The following ZNF148 variants were observed in gnomAD, a reference collection of about 807,000 sequenced individuals.
ZNF148 encodes the protein Beta-Enolase Repressor Factor-1.
In ZNF148, 7 loss-of-function variants were observed where a neutral mutation model predicts 67.7. The ratio of observed to expected loss-of-function variants is 0.10; its 90% CI spans 0.06 to 0.19. The LOEUF is 0.19. Ranked by LOEUF, ZNF148 falls within the 10% of genes least tolerant of loss-of-function variation. The pLI, the probability that ZNF148 is intolerant of heterozygous loss-of-function variation, is 1.00. For synonymous variants in ZNF148, 333 were observed against 330.7 expected (o/e 1.01, Z -0.08); for missense variants, 583 against 947.1 (o/e 0.62, Z 5.05).
chr3:125,257,703 T>C (rs181578520), intron 7 of ZNF148, among the ~76,000 whole-genome samples: 29 of 152,174 alleles, frequency 1.9e-4, no homozygotes, highest in Non-Finnish European at 1.5e-4. Flanking sequence ...TTCCTTCCCA[T>C]TTCTCTCTAC....
rs1258740190 is a variant in ZNF148, at chr3:125,233,287, G to A, written c.1439C>T (p.Ala480Val). 1.9e-6 allele frequency: 3 copies of A among 1,613,738 alleles called. No individual in the cohort carries two copies. The highest frequency in any genetic ancestry group is 2.5e-6 in the Non-Finnish European group (3 of 1,179,904). Residue 480 changes from alanine (A) to valine (V), a missense_variant, in exon 9 of 9, where the codon GCA becomes GTA. This residue lies in a region of ZNF148 where 172 missense variants were observed against 307.7 expected (regional missense o/e 0.56). Coordinates refer to ENST00000360647, the MANE Select transcript of ZNF148 (RefSeq NM_021964.3). The surrounding 1 kb of genome is among the most constrained non-coding windows in gnomAD (Gnocchi z 5.1). ...FLKKKRYLQA[A>V]SNNSREYALN... is the part of the protein sequence containing the mutation. ...CGCATATTCCCTGCTGTTGTTACTT[G>A]CTGCTTGAAGATACCGCTTCTTCTT...
At chr3:125,338,604 G>A (rs1005609141) in intron 1 of ZNF148, among the ~76,000 whole-genome samples, 2 of 130,772 alleles carry the variant, frequency 1.5e-5, no homozygotes, top group Non-Finnish European at 3.1e-5. Flanking sequence ...AGGTCGCAGT[G>A]AGCCGACATT....
At chr3:125,370,766 GT>G (rs1942854280) in intron 1 of ZNF148, among the ~76,000 whole-genome samples, 2 of 152,260 alleles carry the variant, frequency 1.3e-5, no homozygotes, top group South Asian at 2.1e-4. Flanking sequence ...GCCCAGTATA[GT>G]TTTTTCCTAC....
In ZNF148 at chr3:125,233,123, C is replaced by T. The variant is rs1233639597; in HGVS notation, c.1603G>A (p.Val535Ile). 3 of 1,613,824 alleles carry T rather than the reference C, an allele frequency of 1.9e-6. No individual in the cohort carries two copies. Among genetic ancestry groups the T allele is most frequent in the Non-Finnish European group, 2.5e-6 (3 of 1,179,884 alleles). ...VEIKSNHDKN[V>I]IPDEVLQTLL... Reference sequence around the variant, plus strand: ...GTCTGCAGTACCTCATCTGGAATAACATTTTTGTCATGATTACTCTTAATC... The same window carrying T: ...GTCTGCAGTACCTCATCTGGAATAATATTTTTGTCATGATTACTCTTAATC... Residue 535 changes from valine (V) to isoleucine (I), a missense_variant, in exon 9 of 9, where the codon GTT becomes ATT. Val to Ile is a conservative substitution (Grantham distance 29, BLOSUM62 3). Coordinates refer to ENST00000360647, the MANE Select transcript of ZNF148 (RefSeq NM_021964.3). The surrounding 1 kb of genome is among the most constrained non-coding windows in gnomAD (Gnocchi z 5.1).
intron 1 of ZNF148, among the ~76,000 whole-genome samples, chr3:125,364,234 A>C (rs572191583): frequency 1.3e-5 from 2 of 152,178 alleles, no homozygotes. Context: ...CCCTGTCTCT[A>C]CTAAAAATGC....
chr3:125,249,304 C>T (rs1238218054), intron 7 of ZNF148, among the ~76,000 whole-genome samples: 1 of 152,090 alleles, frequency 6.6e-6, no homozygotes, highest in East Asian at 1.9e-4. Flanking sequence ...GCAAAAGGAA[C>T]TCATACAACT....
At chr3:125,337,016 C>CAAAAA in intron 1 of ZNF148, among the ~76,000 whole-genome samples, 1 of 115,348 alleles carries the variant, frequency 8.7e-6, no homozygotes, top group Non-Finnish European at 1.8e-5. Context: ...TCTACTCTCA[C>CAAAAA]AAAAAAAAAA....
At chr3:125,337,591 T>C (rs999701619) in intron 1 of ZNF148, among the ~76,000 whole-genome samples, 3 of 152,208 alleles carry the variant, frequency 2.0e-5, no homozygotes, top group African/African-American at 7.2e-5. Context: ...AGGCAAACTT[T>C]GAAACAATCT....
intron 1 of ZNF148, among the ~76,000 whole-genome samples, chr3:125,353,223 T>A (rs757502700): frequency 6.6e-6 from 1 of 152,136 alleles, no homozygotes; most frequent in African/African-American, 2.4e-5. Context: ...AAACAAACTA[T>A]GTCATTCTGG....
chr3:125,323,375 G>T lies in ZNF148; in HGVS notation c.-83C>A. Reference sequence around the variant, plus strand: ...CTGTAGAGTTGAAAAAGAAATCATGGTTGAGTTTCTACCTTTCATAGGCTT... The same window carrying T: ...CTGTAGAGTTGAAAAAGAAATCATGTTTGAGTTTCTACCTTTCATAGGCTT... On this transcript the variant is annotated 5_prime_UTR_variant, in exon 3 of 9. Coordinates refer to ENST00000360647, the MANE Select transcript of ZNF148 (RefSeq NM_021964.3). 1 of 696,044 alleles carries T rather than the reference G, an allele frequency of 1.4e-6. No homozygotes were observed. The highest frequency in any genetic ancestry group is 2.6e-6 in the Non-Finnish European group (1 of 382,846). 43.1% of individuals were successfully genotyped at this position (696,044 alleles called of 1,614,324 possible).
At chr3:125,269,376 C>T (rs889309554) in intron 7 of ZNF148, among the ~76,000 whole-genome samples, 6 of 149,036 alleles carry the variant, frequency 4.0e-5, no homozygotes, top group African/African-American at 1.5e-4. Flanking sequence ...GCAACATCAT[C>T]TTTAAAAAAA....
chr3:125,246,108 C>A (rs1404575014), intron 7 of ZNF148, among the ~76,000 whole-genome samples: 1 of 152,096 alleles, frequency 6.6e-6, no homozygotes, highest in African/African-American at 2.4e-5. Flanking sequence ...GTTATGACAG[C>A]AAATGTAAAG....
chr3:125,268,236 C>CG (rs1491226349), intron 7 of ZNF148, among the ~76,000 whole-genome samples: 1 of 48,294 alleles, frequency 2.1e-5, no homozygotes, highest in East Asian at 2.9e-4. Flanking sequence ...TTATATAGAA[C>CG]CAAAAAAAAA....
intron 7 of ZNF148, among the ~76,000 whole-genome samples, chr3:125,236,107 GAAAT>G (rs1476712261): frequency 7.1e-6 from 1 of 141,132 alleles, no homozygotes; most frequent in East Asian, 2.0e-4. Flanking sequence ...TAAAAAAAAA[GAAAT>G]AATTATATTT....
intron 1 of ZNF148, among the ~76,000 whole-genome samples, chr3:125,371,789 G>A (rs1942895785): frequency 6.6e-6 from 1 of 152,024 alleles, no homozygotes; most frequent in Non-Finnish European, 1.5e-5. Context: ...ATCAGGCCGG[G>A]CGCGGAGACT....
intron 7 of ZNF148, among the ~76,000 whole-genome samples, chr3:125,260,457 C>T (rs1937286682): frequency 6.6e-6 from 1 of 152,152 alleles, no homozygotes; most frequent in Non-Finnish European, 1.5e-5. Flanking sequence ...ATTATTGGTG[C>T]ATCAACACAG....
At chr3:125,317,396 G>A (rs1389514337) in intron 3 of ZNF148, among the ~76,000 whole-genome samples, 2 of 151,918 alleles carry the variant, frequency 1.3e-5, no homozygotes, top group African/African-American at 2.4e-5. Context: ...ACAACCTTAT[G>A]GGTTTATTCA....
In ZNF148 at chr3:125,234,299, C is replaced by T. The variant is rs1392733278; in HGVS notation, c.698G>A (p.Gly233Asp). 2 of 1,610,016 alleles carry T rather than the reference C, an allele frequency of 1.2e-6. No individual in the cohort carries two copies. Among genetic ancestry groups the T allele is most frequent in the East Asian group, 2.2e-5 (1 of 44,738 alleles). Residue 233 changes from glycine to aspartate, a missense_variant, in exon 8 of 9, where the codon GGT (glycine) becomes GAT (aspartate). Transcript: ENST00000360647. ...GEKPFRCDEC[G>D]MRFIQKYHME... ...ATGATATTTTTGTATGAATCTCATA[C>T]CACATTCATCACAGCGAAATGGTTT...
intron 4 of ZNF148, among the ~76,000 whole-genome samples, chr3:125,290,474 T>C (rs567720296): frequency 1.3e-5 from 2 of 152,310 alleles, no homozygotes; most frequent in Admixed American, 1.3e-4. Flanking sequence ...GACTTATTTC[T>C]CACCCCAAAA....
Sources: gnomAD v4.1 joint callset for allele counts (sites outside exome capture counted in the v4.1 genomes callset) on GRCh38, gnomAD v4.1.1 for gene constraint, gnomAD v4.1.1 regional missense constraint, Gnocchi (gnomAD v3.1) non-coding constraint, MANE v1.5 for transcripts, NCBI Gene and HGNC (gene_info 2026-07-23, HGNC 2026-07-21) for gene names.